Variants in TENM4 observed in about 807,000 individuals in gnomAD.
TENM4 encodes teneurin transmembrane protein 4.
A neutral mutation model predicts 243.3 loss-of-function variants in TENM4; 82 were observed. The observed-to-expected ratio is 0.34, with a 90% CI of 0.28 to 0.40. The LOEUF is 0.40. Ranked by LOEUF, TENM4 falls within the 10% of genes least tolerant of loss-of-function variation. TENM4 has a pLI of 1.00. For missense variants in TENM4, 3,138 were observed against 3,673.3 expected, an observed-to-expected ratio of 0.85 and a Z score of 3.77; for synonymous variants, 1,412 against 1,456.3, an observed-to-expected ratio of 0.97 and a Z score of 0.69.
intron 6 of TENM4, among the ~76,000 whole-genome samples, chr11:78,982,022 A>C (rs1286595560): frequency 6.6e-6 from 1 of 152,102 alleles, no homozygotes; most frequent in Non-Finnish European, 1.5e-5. Flanking sequence ...TCACACCTGC[A>C]AGAAGCCTGA....
At chr11:79,098,001 CTTG>C (rs1861126040) in intron 4 of TENM4, 1 of 152,138 alleles carries the variant, frequency 6.6e-6, no homozygotes. Flanking sequence ...ATAAATTAAA[CTTG>C]CAGCATAAAG....
At chr11:78,676,085 G>A (rs1327591955) in intron 30 of TENM4, 67 bp downstream of exon 30, 36 of 1,377,212 alleles carry the variant, frequency 2.6e-5, no homozygotes, top group Non-Finnish European at 5.7e-6. Flanking sequence ...TTCAAGAACA[G>A]AGCCCCGTTC....
At chr11:78,735,949 T>C (rs1855780893) in intron 20 of TENM4, among the ~76,000 whole-genome samples, 1 of 150,734 alleles carries the variant, frequency 6.6e-6, no homozygotes, top group Non-Finnish European at 1.5e-5. Flanking sequence ...TTTCTCTCTC[T>C]CTTTTTTCTT....
chr11:79,123,073 A>C (rs1191040591), intron 4 of TENM4, among the ~76,000 whole-genome samples: 1 of 152,104 alleles, frequency 6.6e-6, no homozygotes, highest in African/African-American at 2.4e-5. Context: ...AGAGTGCCTC[A>C]CTCAGGAATA....
chr11:79,275,642 C>T (rs1856042999), intron 2 of TENM4, among the ~76,000 whole-genome samples: 1 of 152,124 alleles, frequency 6.6e-6, no homozygotes, highest in Non-Finnish European at 1.5e-5. Context: ...ACAGAAAATG[C>T]AGCCCAGTAA....
chr11:78,879,380 CTGG>C (rs1360502202), intron 9 of TENM4, among the ~76,000 whole-genome samples: 9 of 151,464 alleles, frequency 5.9e-5, no homozygotes, highest in Admixed American at 2.0e-4. Context: ...GCGCCTCTGC[CTGG>C]CAGCCGCCCT....
At chr11:78,786,513 C>T (rs1036300292) in intron 16 of TENM4, among the ~76,000 whole-genome samples, 7 of 152,356 alleles carry the variant, frequency 4.6e-5, no homozygotes, top group Non-Finnish European at 1.0e-4. Flanking sequence ...CCCCATCTTA[C>T]GAGTGAGGAA....
At chr11:79,172,898 C>A (rs1210056858) in intron 3 of TENM4, among the ~76,000 whole-genome samples, 1 of 152,162 alleles carries the variant, frequency 6.6e-6, no homozygotes, top group East Asian at 1.9e-4. Context: ...GCCTCGGCCT[C>A]CCAAAGTGCT....
chr11:79,092,162 C>T (rs1167890458), intron 4 of TENM4, among the ~76,000 whole-genome samples: 3 of 152,206 alleles, frequency 2.0e-5, no homozygotes, highest in Admixed American at 2.0e-4. Context: ...CCAACTCCAT[C>T]TCTGCTGCCA....
chr11:78,968,347 C>A (rs1036023110), intron 6 of TENM4, among the ~76,000 whole-genome samples: 5 of 152,148 alleles, frequency 3.3e-5, no homozygotes, highest in East Asian at 1.9e-4. Flanking sequence ...TGTCATGGAA[C>A]AATCTTGGCT....
intron 1 of TENM4, among the ~76,000 whole-genome samples, chr11:79,369,295 T>C (rs930463527): frequency 3.3e-5 from 5 of 152,230 alleles, no homozygotes; most frequent in African/African-American, 9.6e-5. Context: ...GCCTCTTCAA[T>C]TGCAGCCTGT....
intron 7 of TENM4, among the ~76,000 whole-genome samples, chr11:78,897,393 G>C (rs1052299477): frequency 1.3e-5 from 2 of 152,144 alleles, no homozygotes; most frequent in African/African-American, 4.8e-5. Flanking sequence ...GTTGAGTCTT[G>C]TGAGTCCCAC....
intron 6 of TENM4, among the ~76,000 whole-genome samples, chr11:78,998,468 T>G (rs59857032): frequency 0.17 from 26,461 of 152,224 alleles, 2,408 homozygotes; most frequent in Middle Eastern, 0.28. Context: ...CAAAAGGAAA[T>G]GTAAAGTTTG....
intron 9 of TENM4, among the ~76,000 whole-genome samples, chr11:78,878,209 C>T (rs907030770): frequency 1.2e-4 from 18 of 152,186 alleles, no homozygotes; most frequent in African/African-American, 4.1e-4. Context: ...CTGATCTTGT[C>T]ATCCTGCCCT....
intron 1 of TENM4, among the ~76,000 whole-genome samples, chr11:79,366,951 A>G (rs965284835): frequency 6.6e-6 from 1 of 152,198 alleles, no homozygotes; most frequent in African/African-American, 2.4e-5. Flanking sequence ...CTCCCATTTG[A>G]GACTTATCAA....
intron 3 of TENM4, among the ~76,000 whole-genome samples, chr11:79,173,264 T>C (rs190514389): frequency 1.6e-4 from 25 of 152,322 alleles, no homozygotes; most frequent in African/African-American, 6.0e-4. Context: ...TCCTGATAGT[T>C]ATTTCCATGG....
At position 79,343,292 on chromosome 11, in the gene TENM4, T is replaced by C. The variant is rs370615449; in HGVS notation, c.-320-45749A>G. ...ACTTTTCACCTTATGATGCAGATAT[T>C]TGAAATCATTCTATTTTACAGATGA... is the stretch of plus-strand genomic sequence containing the variant. On this transcript the variant is annotated intron_variant, in intron 1 of 33. Transcript: ENST00000278550. Among the ~76,000 whole-genome samples, 145 of 152,320 alleles carry C rather than the reference T, an allele frequency of 9.5e-4. 6 individuals carry two copies. The South Asian group carries it at 0.029, about 30-fold the overall frequency.
intron 2 of TENM4, among the ~76,000 whole-genome samples, chr11:79,275,235 G>GTA (rs1484943711): frequency 2.8e-5 from 4 of 143,746 alleles, no homozygotes; most frequent in Non-Finnish European, 6.1e-5. Flanking sequence ...GGGTGTGTGT[G>GTA]TGTGTGTCTG....
At chr11:79,327,025 G>A (rs1298546706) in intron 1 of TENM4, among the ~76,000 whole-genome samples, 1 of 152,180 alleles carries the variant, frequency 6.6e-6, no homozygotes, top group African/African-American at 2.4e-5. Flanking sequence ...TGCAGAAAGA[G>A]CTCAATTAAA....
Sources: gnomAD v4.1 joint callset for allele counts (sites outside exome capture counted in the v4.1 genomes callset) on GRCh38, gnomAD v4.1.1 for gene constraint, MANE v1.5 for transcripts, NCBI Gene and HGNC (gene_info 2026-07-23, HGNC 2026-07-21) for gene names.